The following BRDT variants were observed in gnomAD, a reference collection of about 807,000 sequenced individuals.
BRDT encodes bromodomain testis-specific protein.
A neutral mutation model predicts 113.9 loss-of-function variants in BRDT; 77 were observed. That is an observed-to-expected ratio of 0.68 (90% confidence interval 0.56 to 0.82). BRDT has a LOEUF of 0.82. BRDT is among the 40% of genes least tolerant of loss of function. The pLI is 0.00. For synonymous variants in BRDT, 358 were observed against 366.5 expected, an observed-to-expected ratio of 0.98 and a Z score of 0.26; for missense variants, 1,027 against 1,105.4, an observed-to-expected ratio of 0.93 and a Z score of 1.01.
Position 91,979,714 on chromosome 1 carries a change from C to G in BRDT, c.1244C>G (p.Ser415Cys). 6.2e-7 allele frequency: 1 copy of G among 1,612,320 alleles called. No homozygotes were observed. The highest frequency in any genetic ancestry group is 8.5e-7 in the Non-Finnish European group (1 of 1,179,642). Reference sequence around the variant, plus strand: ...TCTGAAGGGAACTCTTCTGATGATTCTGAAGATGAGCGAGTTAAGCGTCTT... The same window carrying G: ...TCTGAAGGGAACTCTTCTGATGATTGTGAAGATGAGCGAGTTAAGCGTCTT... ...ASSEGNSSDD[S>C]EDERVKRLAK... Residue 415 changes from serine (S) to cysteine (C), a missense_variant, in exon 8 of 19, where the codon TCT becomes TGT. By Grantham distance (112) the Ser-to-Cys change is moderately radical (BLOSUM62 -1). Transcript: ENST00000399546.
chr1:91,968,298 T>A (rs747588891), intron 4 of BRDT, 38 bp downstream of exon 4: 49 of 1,601,680 alleles, frequency 3.1e-5, no homozygotes, highest in Non-Finnish European at 3.9e-5. Context: ...TTCTCTCTCT[T>A]TTTTTCCCCT....
At chr1:91,993,715 G>T (rs975269561) in intron 14 of BRDT, among the ~76,000 whole-genome samples, 9 of 152,076 alleles carry the variant, frequency 5.9e-5, no homozygotes, top group Admixed American at 2.6e-4. Flanking sequence ...TGCTATAAAA[G>T]CTCAGGGGTT....
chr1:91,981,370 G>A lies in BRDT; in HGVS notation c.1853G>A (p.Arg618His), dbSNP rs140949811. The change falls in exon 11 of 19, where the codon CGT becomes CAT. Residue 618 changes from arginine to histidine, a missense_variant. Arg to His is a conservative substitution (Grantham distance 29, BLOSUM62 0). Coordinates refer to ENST00000399546, the MANE Select transcript of BRDT (RefSeq NM_207189.4). ...DVNNQLNSRKRQTKSDKTQPS... is the reference protein window; with the variant it reads ...DVNNQLNSRKHQTKSDKTQPS... ...AATAATCAGTTAAATTCTAGAAAAC[G>A]TCAAACAAAATGTAGGTGGCAGTTT... The A allele has an allele frequency of 1.5e-3, 2,449 of 1,612,646 alleles. 6 individuals carry two copies. The highest frequency in any genetic ancestry group is 1.9e-3 in the Non-Finnish European group (2,244 of 1,179,016).
chr1:91,965,571 C>T (rs1016277409), intron 3 of BRDT, among the ~76,000 whole-genome samples: 5 of 152,068 alleles, frequency 3.3e-5, no homozygotes, highest in African/African-American at 9.7e-5. Context: ...ATGTTCTGGC[C>T]GGGCACGGTG....
At chr1:91,993,800 T>C (rs1686018608) in intron 14 of BRDT, among the ~76,000 whole-genome samples, 1 of 152,172 alleles carries the variant, frequency 6.6e-6, no homozygotes, top group South Asian at 2.1e-4. Flanking sequence ...ACATGTATAC[T>C]CATGTAAAAT....
At chr1:91,956,982 A>G (rs550891499) in intron 1 of BRDT, among the ~76,000 whole-genome samples, 1 of 152,252 alleles carries the variant, frequency 6.6e-6, no homozygotes, top group East Asian at 1.9e-4. Context: ...ATTACATTCA[A>G]TTGTTCACAT....
chr1:91,968,760 A>G (rs1683322480), intron 4 of BRDT, among the ~76,000 whole-genome samples: 1 of 152,202 alleles, frequency 6.6e-6, no homozygotes, highest in African/African-American at 2.4e-5. Context: ...GGTGTTTCAA[A>G]AATCTTAAAT....
Position 92,000,978 on chromosome 1 carries a change from G to A in BRDT, c.2288-1071G>A, listed in dbSNP as rs369782877. ...AAGAATTAATGAAATTGCATAGTTT[G>A]TTCTCCTCACCTCAGAGTCAGACTT... is the stretch of plus-strand genomic sequence containing the variant. On this transcript the variant is annotated intron_variant, in intron 15 of 18. Transcript: ENST00000399546. Among the ~76,000 whole-genome samples the A allele has an allele frequency of 9.2e-5, 14 of 152,266 alleles. No homozygotes were observed. The East Asian group carries it at 1.9e-3, about 21-fold the overall frequency.
At chr1:91,980,392 GTTAT>G (rs1250117567) in intron 8 of BRDT, among the ~76,000 whole-genome samples, 1 of 152,134 alleles carries the variant, frequency 6.6e-6, no homozygotes. Flanking sequence ...ACCTGGAAAT[GTTAT>G]TTATTCTTGA....
chr1:91,970,506 A>G (rs1315198071), intron 4 of BRDT, among the ~76,000 whole-genome samples: 2 of 152,086 alleles, frequency 1.3e-5, no homozygotes, highest in Non-Finnish European at 2.9e-5. Flanking sequence ...GCTTCAAACG[A>G]TCCTCATGCC....
chr1:91,984,523 GAA>G (rs1020196462), intron 12 of BRDT, among the ~76,000 whole-genome samples: 3 of 152,048 alleles, frequency 2.0e-5, no homozygotes, highest in African/African-American at 7.2e-5. Flanking sequence ...TATTTACTAA[GAA>G]AATTTAATTT....
At chr1:92,005,787 C>T (rs1687243531) in intron 18 of BRDT, among the ~76,000 whole-genome samples, 1 of 152,168 alleles carries the variant, frequency 6.6e-6, no homozygotes, top group Non-Finnish European at 1.5e-5. Flanking sequence ...AAATGCCTAG[C>T]ACTAGGTGAA....
At chr1:91,988,589 GGGGGTTTCACCA>G (rs1335058516) in intron 12 of BRDT, among the ~76,000 whole-genome samples, 3 of 151,758 alleles carry the variant, frequency 2.0e-5, no homozygotes, top group African/African-American at 7.3e-5. Flanking sequence ...TTGGTAGGCG[GGGGGTTTCACCA>G]GGTTGGCCAG....
chr1:92,002,197 T>C, intron 16 of BRDT, 48 bp downstream of exon 16: 3 of 1,398,034 alleles, frequency 2.1e-6, no homozygotes, highest in East Asian at 2.3e-5. Context: ...GATTTGAAAT[T>C]GGGTTTGGAA....
chr1:91,988,786 A>G (rs1210742139), intron 12 of BRDT, among the ~76,000 whole-genome samples: 1 of 152,188 alleles, frequency 6.6e-6, no homozygotes, highest in Non-Finnish European at 1.5e-5. Context: ...TAGTGAAAAT[A>G]TGTACATTTG....
intron 7 of BRDT, 101 bp downstream of exon 7, chr1:91,978,397 C>A: frequency 1.5e-6 from 2 of 1,341,728 alleles, no homozygotes; most frequent in Non-Finnish European, 2.0e-6. Context: ...AACTCCTACA[C>A]CTCTAAGTAT....
chr1:91,979,788 A>C (rs1684545344), intron 8 of BRDT, 31 bp downstream of exon 8: 1 of 1,575,114 alleles, frequency 6.3e-7, no homozygotes, highest in Non-Finnish European at 8.6e-7. Context: ...AAATTTTGAT[A>C]ATCTATGAGC....
At chr1:91,997,420 T>C (rs1342838423) in intron 15 of BRDT, among the ~76,000 whole-genome samples, 1 of 152,172 alleles carries the variant, frequency 6.6e-6, no homozygotes, top group Non-Finnish European at 1.5e-5. Context: ...TTTTGAGTTT[T>C]TTAATTGGAG....
intron 3 of BRDT, among the ~76,000 whole-genome samples, chr1:91,965,481 G>A (rs1682965300): frequency 6.6e-6 from 1 of 152,108 alleles, no homozygotes; most frequent in Non-Finnish European, 1.5e-5. Context: ...AATTTTCACA[G>A]TATGGACCCC....
Sources: gnomAD v4.1 joint callset for allele counts (sites outside exome capture counted in the v4.1 genomes callset) on GRCh38, gnomAD v4.1.1 for gene constraint, MANE v1.5 for transcripts, NCBI Gene and HGNC (gene_info 2026-07-23, HGNC 2026-07-21) for gene names.